NCKAP5: variants seen among roughly 807,000 people sequenced by gnomAD.
NCKAP5 encodes the protein nck-associated protein 5.
In NCKAP5, 92 loss-of-function variants were observed where a neutral mutation model predicts 167.0. The ratio of observed to expected loss-of-function variants is 0.55; its 90% CI spans 0.47 to 0.66. NCKAP5 has a LOEUF of 0.66. Ranked by LOEUF, NCKAP5 falls within the 30% of genes least tolerant of loss-of-function variation. NCKAP5 has a pLI of 0.00. For missense variants in NCKAP5, 2,378 were observed against 2,315.0 expected, an observed-to-expected ratio of 1.03 and a Z score of -0.56; for synonymous variants, 891 against 877.4, an observed-to-expected ratio of 1.02 and a Z score of -0.27.
chr2:132,738,124 AACTG>A (rs3043667), intron 16 of NCKAP5, among the ~76,000 whole-genome samples: 17,926 of 152,228 alleles, frequency 0.12, 1,626 homozygotes, highest in East Asian at 0.45. Context: ...CAAAGCAAAC[AACTG>A]ACTCCCTTTT....
At chr2:133,417,818 C>T (rs926697615) in intron 3 of NCKAP5, among the ~76,000 whole-genome samples, 43 of 152,162 alleles carry the variant, frequency 2.8e-4, no homozygotes, top group African/African-American at 9.6e-4. Context: ...GCTATTATGT[C>T]GTGAATGTGA....
chr2:132,931,712 G>A (rs1267131474), intron 8 of NCKAP5, among the ~76,000 whole-genome samples: 2 of 152,148 alleles, frequency 1.3e-5, no homozygotes, highest in Non-Finnish European at 2.9e-5. Flanking sequence ...TGACTTCCTT[G>A]CATTTATTTT....
the NCKAP5 span, among the ~76,000 whole-genome samples, chr2:133,591,818 AT>A: frequency 2.6e-5 from 4 of 152,254 alleles, no homozygotes; most frequent in East Asian, 3.9e-4. Flanking sequence ...CACGACTTTA[AT>A]TTTTTTCCTA....
chr2:133,001,385 A>C (rs1559038013), intron 6 of NCKAP5, among the ~76,000 whole-genome samples: 1 of 151,914 alleles, frequency 6.6e-6, no homozygotes, highest in South Asian at 2.1e-4. Flanking sequence ...ATGCCTGGCT[A>C]AATTTTGTAT....
intron 6 of NCKAP5, chr2:133,123,283 C>T (rs1271148357): frequency 6.6e-6 from 1 of 152,370 alleles, no homozygotes; most frequent in Non-Finnish European, 1.5e-5. Flanking sequence ...GAGCCGAAAA[C>T]AGCCTTTCTT....
At chr2:133,634,977 C>A in the NCKAP5 span, among the ~76,000 whole-genome samples, 1 of 151,946 alleles carries the variant, frequency 6.6e-6, no homozygotes, top group African/African-American at 2.4e-5. Flanking sequence ...TCAACCTATT[C>A]TCCTGCCTCA....
chr2:133,505,030 G>A (rs1000386760), intron 3 of NCKAP5, among the ~76,000 whole-genome samples: 1 of 152,172 alleles, frequency 6.6e-6, no homozygotes, highest in African/African-American at 2.4e-5. Flanking sequence ...TCAGGAGCAT[G>A]GTGCCTGGAG....
intron 4 of NCKAP5, among the ~76,000 whole-genome samples, chr2:133,226,602 T>C (rs1461878018): frequency 3.9e-5 from 2 of 51,466 alleles, no homozygotes; most frequent in East Asian, 4.3e-4. Context: ...AATTTGAAGA[T>C]AAACACACAC....
chr2:133,647,647 G>A, the NCKAP5 span, among the ~76,000 whole-genome samples: 1 of 134,358 alleles, frequency 7.4e-6, no homozygotes, highest in East Asian at 2.4e-4. Flanking sequence ...GGAAGAAAGG[G>A]AGAGAGAGAG....
intron 3 of NCKAP5, among the ~76,000 whole-genome samples, chr2:133,351,604 T>C (rs1684366961): frequency 6.6e-6 from 1 of 152,200 alleles, no homozygotes; most frequent in Non-Finnish European, 1.5e-5. Flanking sequence ...ATGATTTCCT[T>C]GTTTCCTAAA....
chr2:133,353,847 C>T (rs1469153152), intron 3 of NCKAP5, among the ~76,000 whole-genome samples: 1 of 152,198 alleles, frequency 6.6e-6, no homozygotes, highest in African/African-American at 2.4e-5. Context: ...CCCCATCCAT[C>T]CCACTAAGAG....
chr2:133,025,747 A>C (rs983188207), intron 6 of NCKAP5, among the ~76,000 whole-genome samples: 1 of 152,220 alleles, frequency 6.6e-6, no homozygotes, highest in Non-Finnish European at 1.5e-5. Flanking sequence ...TCTGAGCCAC[A>C]AAAGATTCAA....
rs373751508 is a variant in NCKAP5 at position 132,781,919 on chromosome 2, C to T, written c.4871+21G>A. On this transcript the variant is annotated intron_variant, in intron 14 of 19. Transcript: ENST00000409261. ...GTGGAGGGACCCCTCTACATTGCTA[C>T]CTGCTTTTCCAGTGAGTTACCTGTT... 5.2e-4 allele frequency: 831 copies of T among 1,593,116 alleles called. 2 individuals are homozygous for T. Among genetic ancestry groups the T allele is most frequent in the Non-Finnish European group, 6.4e-4 (744 of 1,168,376 alleles).
intron 3 of NCKAP5, among the ~76,000 whole-genome samples, chr2:133,308,213 C>T (rs1193044393): frequency 6.6e-6 from 1 of 150,848 alleles, no homozygotes; most frequent in Non-Finnish European, 1.5e-5. Context: ...CTCAGCCTCC[C>T]GAGTAGCTGG....
At chr2:133,589,382 G>A in the NCKAP5 span, among the ~76,000 whole-genome samples, 37 of 152,194 alleles carry the variant, frequency 2.4e-4, no homozygotes, top group Non-Finnish European at 3.8e-4. Flanking sequence ...GGAAGGGGGA[G>A]CCTGCAGGAG....
chr2:133,080,726 T>C (rs1204202797), intron 6 of NCKAP5, among the ~76,000 whole-genome samples: 6 of 152,112 alleles, frequency 3.9e-5, no homozygotes, highest in African/African-American at 1.4e-4. Context: ...GTGTCTACTC[T>C]CAAGGAACTT....
the NCKAP5 span, among the ~76,000 whole-genome samples, chr2:133,611,200 T>C: frequency 6.6e-6 from 1 of 152,118 alleles, no homozygotes; most frequent in South Asian, 2.1e-4. Flanking sequence ...GATGCATCCA[T>C]CAGATCTCTT....
chr2:133,353,401 T>C (rs1276907917), intron 3 of NCKAP5, among the ~76,000 whole-genome samples: 4 of 152,150 alleles, frequency 2.6e-5, no homozygotes, highest in African/African-American at 9.7e-5. Flanking sequence ...TCTATAAAAG[T>C]TGGCCAGAGA....
chr2:133,527,076 TC>T lies in NCKAP5; in HGVS notation c.-61-9490del, dbSNP rs577292072. The T allele has an allele frequency of 1.6e-3, 244 of 152,084 alleles. 1 individual carries two copies. Among genetic ancestry groups the T allele is most frequent in the African/African-American group, 5.6e-3 (231 of 41,484 alleles). The allele number at this position is 152,084 out of a possible 1,614,324, so 9.4% of individuals were successfully genotyped here. The stretch of plus-strand genomic sequence containing the variant: ...TCTGTTCAAGCTTACTTTTTTTTTT[TC>T]TTTGAGCAGGCTGTGGAGAGCTACA... On this transcript the variant is annotated intron_variant, in intron 2 of 19. Coordinates refer to ENST00000409261, the MANE Select transcript of NCKAP5 (RefSeq NM_207363.3).
Sources: allele counts gnomAD v4.1 joint callset (sites outside exome capture counted in the v4.1 genomes callset), GRCh38; gene constraint gnomAD v4.1.1; transcripts MANE v1.5; gene names NCBI Gene and HGNC (gene_info 2026-07-23, HGNC 2026-07-21).